Variants in SP140L observed in about 807,000 individuals in gnomAD.
The protein encoded by SP140L is nuclear body protein SP140-like protein.
SP140L carries 64 observed loss-of-function variants against 84.3 expected under a neutral mutation model. The ratio of observed to expected loss-of-function variants is 0.76; its 90% CI spans 0.62 to 0.94. The LOEUF is 0.94. Ranked by LOEUF, SP140L falls within the 40% of genes least tolerant of loss-of-function variation. The pLI is 0.00. For synonymous variants in SP140L, 242 were observed against 236.9 expected, an observed-to-expected ratio of 1.02 and a Z score of -0.20; for missense variants, 628 against 692.5, an observed-to-expected ratio of 0.91 and a Z score of 1.05.
chr2:230,360,772 C>T (rs1049874800), intron 4 of SP140L, among the ~76,000 whole-genome samples: 4 of 152,132 alleles, frequency 2.6e-5, no homozygotes, highest in African/African-American at 9.7e-5. Flanking sequence ...ACCGCCCCAC[C>T]CAGCACAGCA....
intron 11 of SP140L, 141 bp from the exon 12 acceptor site, chr2:230,391,946 A>T (rs1168048908): frequency 4.2e-6 from 5 of 1,198,412 alleles, no homozygotes; most frequent in Non-Finnish European, 4.7e-6. Context: ...GGGGCCTCTG[A>T]AGTCTGAGAG....
chr2:230,392,255 C>T (rs1353972986), intron 12 of SP140L, 26 bp downstream of exon 12: 3 of 1,612,446 alleles, frequency 1.9e-6, no homozygotes, highest in East Asian at 2.2e-5. Flanking sequence ...GAGGCCAGAC[C>T]TGTGCCCATT....
chr2:230,378,456 G>A lies in SP140L; in HGVS notation c.638-5054G>A, dbSNP rs557589523. Among the ~76,000 whole-genome samples the A allele has an allele frequency of 3.3e-5, 5 of 152,198 alleles. 1 individual carries two copies. Among genetic ancestry groups the A allele is most frequent in the South Asian group, 4.2e-4 (2 of 4,814 alleles). ...TTCCCCAGAGGCCTATTACTTTTGC[G>A]AGAAGTTTTCTCCGGAACTCCCCTC... On this transcript the variant is annotated intron_variant, in intron 7 of 18. Transcript: ENST00000415673.
chr2:230,389,542 C>G (rs1444157357), intron 10 of SP140L, among the ~76,000 whole-genome samples: 2 of 152,128 alleles, frequency 1.3e-5, no homozygotes, highest in South Asian at 4.1e-4. Context: ...TGGTCTCTGG[C>G]TTCATCTCTG....
chr2:230,332,450 A>C (rs1449538194), intron 2 of SP140L, among the ~76,000 whole-genome samples: 2 of 152,238 alleles, frequency 1.3e-5, no homozygotes, highest in Non-Finnish European at 2.9e-5. Context: ...AGTTCCAGAC[A>C]TTAATCTGTT....
Position 230,385,267 on chromosome 2 carries a change from G to A in SP140L, c.747G>A (p.Lys249=), listed in dbSNP as rs753260064. The A allele has an allele frequency of 1.2e-6, 2 of 1,613,610 alleles. No individual in the cohort carries two copies. The highest frequency in any genetic ancestry group is 2.7e-5 in the African/African-American group (2 of 74,876). The change falls in exon 9 of 19, where the codon AAG becomes AAA. Residue 249 remains lysine (K), a synonymous_variant. Coordinates refer to ENST00000415673, the MANE Select transcript of SP140L (RefSeq NM_138402.6). ...ADGQLVSSEK[K]ANMNLKDLSK... ...GCCAGCTGGTCTCGAGTGAAAAGAA[G>A]GCGAACATGAATCTGAAAGACCTTT...
intron 7 of SP140L, among the ~76,000 whole-genome samples, chr2:230,375,773 A>G (rs771475709): frequency 6.6e-6 from 1 of 152,046 alleles, no homozygotes; most frequent in African/African-American, 2.4e-5. Flanking sequence ...GTTTTTTGCT[A>G]TTGAGTTATG....
intron 13 of SP140L, 120 bp downstream of exon 13, chr2:230,393,581 C>A: frequency 8.3e-7 from 1 of 1,199,810 alleles, no homozygotes; most frequent in Non-Finnish European, 1.1e-6. Flanking sequence ...TTCTCCACTT[C>A]CCACATATAA....
intron 7 of SP140L, among the ~76,000 whole-genome samples, chr2:230,381,758 A>G (rs926449967): frequency 3.5e-5 from 5 of 143,944 alleles, no homozygotes; most frequent in African/African-American, 1.3e-4. Context: ...ACACACACAC[A>G]CATTTCATAA....
chr2:230,382,969 T>C (rs1206650545), intron 7 of SP140L, among the ~76,000 whole-genome samples: 1 of 152,246 alleles, frequency 6.6e-6, no homozygotes, highest in Non-Finnish European at 1.5e-5. Context: ...ATAGCATCCC[T>C]GGAGTCAGCT....
At chr2:230,347,545 C>A (rs1229349882) in intron 2 of SP140L, among the ~76,000 whole-genome samples, 1 of 152,022 alleles carries the variant, frequency 6.6e-6, no homozygotes, top group Admixed American at 6.5e-5. Flanking sequence ...GTGTCCTTGG[C>A]TTTGTTTACT....
chr2:230,382,624 G>A (rs1387371715), intron 7 of SP140L, among the ~76,000 whole-genome samples: 2 of 152,170 alleles, frequency 1.3e-5, no homozygotes, highest in East Asian at 3.9e-4. Flanking sequence ...GCACTCAGAA[G>A]GCTGTGCCTA....
rs571330414 is a variant in SP140L, at chr2:230,401,125, G to A, written c.1422+62G>A. 56 of 733,888 alleles carry A rather than the reference G, an allele frequency of 7.6e-5. No homozygotes were observed. In the African/African-American group the frequency reaches 9.6e-4, roughly 13 times the overall value. The allele number at this position is 733,888 out of a possible 1,614,324, so 45.5% of individuals were successfully genotyped here. A position where few individuals can be genotyped will look rare whatever the true frequency, so the allele number is the denominator to read the frequency against. On this transcript the variant is annotated intron_variant, in intron 16 of 18. Coordinates refer to ENST00000415673, the MANE Select transcript of SP140L (RefSeq NM_138402.6). The stretch of plus-strand genomic sequence containing the variant: ...CCTCACACGTGAGAACCATGAACAA[G>A]CGCAAGGGCAGGGGAATGTACTGAA...
At chr2:230,346,484 T>C (rs1475793638) in intron 2 of SP140L, among the ~76,000 whole-genome samples, 1 of 152,218 alleles carries the variant, frequency 6.6e-6, no homozygotes, top group Non-Finnish European at 1.5e-5. Context: ...CTCATTTTTC[T>C]TTCTCTCTTC....
intron 2 of SP140L, among the ~76,000 whole-genome samples, chr2:230,344,345 A>T (rs1346451401): frequency 6.6e-6 from 1 of 152,108 alleles, no homozygotes; most frequent in African/African-American, 2.4e-5. Context: ...AAACTCCTGC[A>T]TTTTACTGTT....
chr2:230,353,925 G>A (rs1440731957), intron 2 of SP140L, among the ~76,000 whole-genome samples: 1 of 151,966 alleles, frequency 6.6e-6, no homozygotes, highest in Non-Finnish European at 1.5e-5. Context: ...TGTTTAATCT[G>A]TATTTCTGTA....
Position 230,400,150 on chromosome 2 carries a change from G to C in SP140L, c.1221G>C (p.Glu407Asp). 2 of 1,614,200 alleles carry C rather than the reference G, an allele frequency of 1.2e-6. No individual in the cohort carries two copies. Among genetic ancestry groups the C allele is most frequent in the Non-Finnish European group, 1.7e-6 (2 of 1,180,018 alleles). Residue 407 changes from glutamate (E) to aspartate (D), a missense_variant, in exon 15 of 19, where the codon GAG becomes GAC. Transcript: ENST00000415673. Reference protein sequence around the residue: ...DPCMRNLDECEVCRDGGELFC... With the variant: ...DPCMRNLDECDVCRDGGELFC... ...AGATGAGAAACTTGGATGAGTGTGA[G>C]GTGTGCCGGGACGGAGGGGAGCTGT...
intron 14 of SP140L, among the ~76,000 whole-genome samples, chr2:230,399,014 C>T (rs1215340014): frequency 6.6e-6 from 1 of 152,214 alleles, no homozygotes. Flanking sequence ...TGTAGATAGA[C>T]CATTCTAGGC....
intron 2 of SP140L, among the ~76,000 whole-genome samples, chr2:230,346,900 A>G (rs1272472121): frequency 6.6e-6 from 1 of 152,192 alleles, no homozygotes; most frequent in Non-Finnish European, 1.5e-5. Context: ...GTCAGTTGTT[A>G]GAGCTTATTA....
Sources: allele counts gnomAD v4.1 joint callset (sites outside exome capture counted in the v4.1 genomes callset), GRCh38; gene constraint gnomAD v4.1.1; transcripts MANE v1.5; gene names NCBI Gene and HGNC (gene_info 2026-07-23, HGNC 2026-07-21).